CEP112: variants seen among roughly 807,000 people sequenced by gnomAD.
CEP112 encodes the protein centrosomal protein 112, also known as centrosomal protein of 112 kDa.
A neutral mutation model predicts 153.0 loss-of-function variants in CEP112; 127 were observed. That is an observed-to-expected ratio of 0.83 (90% CI 0.72 to 0.96). CEP112 has a LOEUF of 0.96. Ranked by LOEUF, CEP112 falls within the 40% of genes least tolerant of loss-of-function variation. The pLI, the probability that CEP112 is intolerant of heterozygous loss-of-function variation, is 0.00. For missense variants in CEP112, 1,089 were observed against 1,101.2 expected (o/e 0.99, Z 0.16); for synonymous variants, 358 against 374.4 (o/e 0.96, Z 0.51).
At chr17:65,932,073 GC>G (rs2061144861) in intron 18 of CEP112, among the ~76,000 whole-genome samples, 1 of 152,204 alleles carries the variant, frequency 6.6e-6, no homozygotes, top group South Asian at 2.1e-4. Flanking sequence ...CCAGCCAGCA[GC>G]TGTGCTTGAT....
chr17:66,152,826 C>A (rs1309834247), intron 4 of CEP112, among the ~76,000 whole-genome samples: 1 of 152,080 alleles, frequency 6.6e-6, no homozygotes, highest in Non-Finnish European at 1.5e-5. Flanking sequence ...GGAGGTTATC[C>A]TCTGCTTGGC....
chr17:65,711,876 C>T (rs553510000), intron 23 of CEP112, among the ~76,000 whole-genome samples: 90 of 152,190 alleles, frequency 5.9e-4, no homozygotes, highest in Non-Finnish European at 5.7e-4. Context: ...AACAACCACA[C>T]GACTGAACAC....
At chr17:65,703,040 A>G (rs114804065) in intron 23 of CEP112, among the ~76,000 whole-genome samples, 2 of 152,334 alleles carry the variant, frequency 1.3e-5, no homozygotes, top group African/African-American at 4.8e-5. Context: ...AACATATGAT[A>G]CATCAGGTTC....
intron 5 of CEP112, among the ~76,000 whole-genome samples, chr17:66,132,342 A>G (rs2070224375): frequency 6.6e-6 from 1 of 152,176 alleles, no homozygotes; most frequent in African/African-American, 2.4e-5. Flanking sequence ...ACTACAAGTT[A>G]ATTCCAGCTT....
chr17:65,970,319 A>T (rs953615382), intron 17 of CEP112, among the ~76,000 whole-genome samples: 1 of 151,444 alleles, frequency 6.6e-6, no homozygotes, highest in Non-Finnish European at 1.5e-5. Flanking sequence ...TCATATGTAA[A>T]ACATATTGCA....
At chr17:66,012,269 CA>C (rs1320152318) in intron 16 of CEP112, among the ~76,000 whole-genome samples, 1 of 152,152 alleles carries the variant, frequency 6.6e-6, no homozygotes, top group Non-Finnish European at 1.5e-5. Context: ...ATCCTGTCAT[CA>C]TGTTGTTAGC....
intron 16 of CEP112, among the ~76,000 whole-genome samples, chr17:66,021,385 C>A (rs1170428775): frequency 6.6e-6 from 1 of 152,130 alleles, no homozygotes; most frequent in Admixed American, 6.5e-5. Flanking sequence ...AATTGGGATA[C>A]CCCTCCTTCA....
chr17:66,172,205 T>C lies in CEP112; in HGVS notation c.470+2839A>G, dbSNP rs189904024. Among the ~76,000 whole-genome samples, 70 of 152,302 alleles carry C rather than the reference T, an allele frequency of 4.6e-4. 1 individual carries two copies. The highest frequency in any genetic ancestry group is 3.4e-3 in the Middle Eastern group (1 of 294). On this transcript the variant is annotated intron_variant, in intron 4 of 26. Coordinates refer to ENST00000535342, the MANE Select transcript of CEP112 (RefSeq NM_001199165.4). Reference sequence around the variant, plus strand: ...TTCCCAGTGCTAGGGGCTGGAAATATAGCAAATACAGCAAACAGCAAAAAC... The same window carrying C: ...TTCCCAGTGCTAGGGGCTGGAAATACAGCAAATACAGCAAACAGCAAAAAC...
At chr17:66,184,119 T>C (rs530968309) in intron 1 of CEP112, among the ~76,000 whole-genome samples, 2 of 152,020 alleles carry the variant, frequency 1.3e-5, no homozygotes, top group South Asian at 4.2e-4. Flanking sequence ...TAGCCAGGTG[T>C]AGTGGCACGT....
intron 23 of CEP112, among the ~76,000 whole-genome samples, chr17:65,714,493 T>TACTCTTGTCACCTTACTGTCAGTTC (rs1382832954): frequency 8.1e-4 from 124 of 152,304 alleles, no homozygotes; most frequent in African/African-American, 2.8e-3. Context: ...TCTGTCGGTT[T>TACTCTTGTCACCTTACTGTCAGTTC]ACTCTTGTCA....
At chr17:66,141,584 C>T (rs549685201) in intron 4 of CEP112, among the ~76,000 whole-genome samples, 1 of 152,048 alleles carries the variant, frequency 6.6e-6, no homozygotes, top group Non-Finnish European at 1.5e-5. Context: ...TCTGTAAGCC[C>T]CTGGCAGCTA....
intron 20 of CEP112, among the ~76,000 whole-genome samples, chr17:65,881,791 G>A (rs1407552462): frequency 2.0e-5 from 3 of 152,136 alleles, no homozygotes; most frequent in African/African-American, 7.2e-5. Context: ...TCAATCTCAA[G>A]AATCACTACA....
At chr17:66,138,656 G>A (rs1323791750) in intron 4 of CEP112, among the ~76,000 whole-genome samples, 1 of 152,082 alleles carries the variant, frequency 6.6e-6, no homozygotes, top group East Asian at 1.9e-4. Flanking sequence ...GATGATTTAT[G>A]TAAGCCTTAT....
chr17:65,850,153 CAAAAA>C (rs57086665), intron 21 of CEP112, among the ~76,000 whole-genome samples: 2 of 35,716 alleles, frequency 5.6e-5, no homozygotes, highest in Admixed American at 2.6e-4. Flanking sequence ...GACTCTGTCT[CAAAAA>C]AAAAAAAAAA....
At chr17:66,067,967 G>A (rs2067183942) in intron 9 of CEP112, among the ~76,000 whole-genome samples, 1 of 152,122 alleles carries the variant, frequency 6.6e-6, no homozygotes, top group Non-Finnish European at 1.5e-5. Flanking sequence ...TACATGAGGA[G>A]ATGACATGTA....
chr17:65,968,764 G>C (rs1405893288), intron 17 of CEP112, among the ~76,000 whole-genome samples: 3 of 152,142 alleles, frequency 2.0e-5, no homozygotes, highest in African/African-American at 7.2e-5. Flanking sequence ...AAAAGTGCCA[G>C]AACAAGCGAT....
chr17:65,768,717 T>C (rs1480765973), intron 21 of CEP112, among the ~76,000 whole-genome samples: 1 of 152,112 alleles, frequency 6.6e-6, no homozygotes, highest in Non-Finnish European at 1.5e-5. Context: ...CAAAAAAGCA[T>C]TCAATACAGC....
At chr17:65,668,769 A>G (rs79657012) in intron 24 of CEP112, among the ~76,000 whole-genome samples, 2,451 of 152,290 alleles carry the variant, frequency 0.016, 69 homozygotes, top group African/African-American at 0.055. Context: ...ATTGGCTGGA[A>G]GAGTTCATTC....
chr17:66,147,776 CAATG>C, intron 4 of CEP112, among the ~76,000 whole-genome samples: 1 of 152,128 alleles, frequency 6.6e-6, no homozygotes, highest in East Asian at 1.9e-4. Flanking sequence ...GTCCTTTTCC[CAATG>C]AATGGTCATA....
Sources: allele counts gnomAD v4.1 joint callset (sites outside exome capture counted in the v4.1 genomes callset), GRCh38; gene constraint gnomAD v4.1.1; transcripts MANE v1.5; gene names NCBI Gene and HGNC (gene_info 2026-07-23, HGNC 2026-07-21).